MROH1: variants seen among roughly 807,000 people sequenced by gnomAD.
MROH1 encodes maestro heat-like repeat-containing protein family member 1.
In MROH1, 117 loss-of-function variants were observed where a neutral mutation model predicts 116.5. The ratio of observed to expected loss-of-function variants is 1.00; its 90% confidence interval spans 0.86 to 1.17. The LOEUF (loss-of-function observed/expected upper bound fraction) is 1.17, where lower values mean the gene tolerates loss of function less well. Among genes scored for constraint, MROH1 ranks in the 50% most tolerant of loss-of-function variants. The pLI is 0.00. For synonymous variants in MROH1, 921 were observed against 583.9 expected (o/e 1.58, Z -8.32); for missense variants, 1,873 against 1,338.5 (o/e 1.40, Z -6.23).
At chr8:144,178,500 A>G (rs1026403065) in intron 4 of MROH1, among the ~76,000 whole-genome samples, 4 of 151,800 alleles carry the variant, frequency 2.6e-5, no homozygotes, top group Admixed American at 6.6e-5. Flanking sequence ...AACCCCTGAC[A>G]TCAGGTGATC....
chr8:144,163,065 A>G lies in MROH1; in HGVS notation c.-56-706A>G, dbSNP rs1300125626. On this transcript the variant is annotated intron_variant, in intron 2 of 43. Coordinates refer to ENST00000326134, the MANE Select transcript of MROH1 (RefSeq NM_032450.3). This position sits in a 1 kb window ranked among gnomAD's most constrained non-coding sequence, Gnocchi z 4.4. ...TACTTCGCCTCCAACCCATGTGTGCACAGCGCAGGGAGGTGTCCTGGCTGG... is the reference window on the plus strand; with the variant it reads ...TACTTCGCCTCCAACCCATGTGTGCGCAGCGCAGGGAGGTGTCCTGGCTGG... Among the ~76,000 whole-genome samples, 1 of 152,202 alleles carries G rather than the reference A, an allele frequency of 6.6e-6. No homozygotes were observed. Among genetic ancestry groups the G allele is most frequent in the Non-Finnish European group, 1.5e-5 (1 of 68,040 alleles).
intron 11 of MROH1, among the ~76,000 whole-genome samples, chr8:144,199,746 A>G (rs1564457333): frequency 6.7e-6 from 1 of 150,146 alleles, no homozygotes; most frequent in Non-Finnish European, 1.5e-5. Flanking sequence ...GGGCCACAGC[A>G]TCAACATCTC....
At chr8:144,233,299 T>C (rs1290760115) in intron 14 of MROH1, among the ~76,000 whole-genome samples, 2 of 148,574 alleles carry the variant, frequency 1.3e-5, no homozygotes, top group African/African-American at 2.5e-5. Context: ...ACAGAAACTC[T>C]GTCCTCATTA....
chr8:144,176,568 A>G (rs1564399418), intron 4 of MROH1, among the ~76,000 whole-genome samples: 1 of 149,992 alleles, frequency 6.7e-6, no homozygotes, highest in Non-Finnish European at 1.5e-5. Flanking sequence ...TTGGCCCGGT[A>G]TGATGGCTCA....
At chr8:144,214,674 A>G (rs1049044224) in intron 12 of MROH1, among the ~76,000 whole-genome samples, 34 of 152,156 alleles carry the variant, frequency 2.2e-4, no homozygotes, top group African/African-American at 7.9e-4. Context: ...CACCCCAGCC[A>G]TTGTTCGTTC....
intron 7 of MROH1, among the ~76,000 whole-genome samples, chr8:144,186,701 G>C (rs1827277118): frequency 1.3e-5 from 2 of 152,228 alleles, no homozygotes; most frequent in Admixed American, 1.3e-4. Context: ...GTCACCCCAG[G>C]AGTGAGAGGC....
At chr8:144,213,129 C>T (rs371234349) in intron 12 of MROH1, 54 of 769,262 alleles carry the variant, frequency 7.0e-5, no homozygotes, top group East Asian at 3.9e-4. Context: ...TGAGTCACCA[C>T]GGCTGTTACA....
chr8:144,179,561 C>T lies in MROH1; in HGVS notation c.275C>T (p.Ala92Val), dbSNP rs1387365983. The T allele has an allele frequency of 1.2e-6, 2 of 1,611,862 alleles. No individual in the cohort carries two copies. Among genetic ancestry groups the T allele is most frequent in the East Asian group, 2.2e-5 (1 of 44,830 alleles). The change falls in exon 5 of 44, where the codon GCC becomes GTC. Residue 92 changes from alanine (A) to valine (V), a missense_variant. Coordinates refer to ENST00000326134, the MANE Select transcript of MROH1 (RefSeq NM_032450.3). ...KDTASTIILL[A>V]SSEMTKTKDL... ...ACAGCCAGCACCATCATCCTCCTGG[C>T]CTCCAGCGAGATGACCAAGACGAAG...
rs553956546 is a variant in MROH1, at chr8:144,177,428, A to G, written c.169-2027A>G. ...AACCAAGACTTTCACGAAGCTCCCA[A>G]TCCTTCCTACTATTGTTTCTCCTCC... On this transcript the variant is annotated intron_variant, in intron 4 of 43. Coordinates refer to ENST00000326134, the MANE Select transcript of MROH1 (RefSeq NM_032450.3). 2.0e-5 allele frequency among the ~76,000 whole-genome samples: 3 copies of G among 152,284 alleles called. No homozygotes were observed. The East Asian group carries it at 5.8e-4, about 29-fold the overall frequency.
At chr8:144,168,203 C>G (rs977236899) in intron 3 of MROH1, 92 bp from the exon 4 acceptor site, 3 of 1,384,834 alleles carry the variant, frequency 2.2e-6, no homozygotes, top group Non-Finnish European at 1.9e-6. Context: ...TCCTCAGAGG[C>G]TGCAGGTGTG....
At chr8:144,156,967 T>C (rs2130710371) in intron 1 of MROH1, among the ~76,000 whole-genome samples, 1 of 151,356 alleles carries the variant, frequency 6.6e-6, no homozygotes, top group East Asian at 2.0e-4. Flanking sequence ...ATTAGTATTA[T>C]TATTTTTAGA....
At position 144,149,301 on chromosome 8, in the gene MROH1, G is replaced by A. The variant is rs925018961; in HGVS notation, c.-177+1225G>A. 2.3e-3 allele frequency among the ~76,000 whole-genome samples: 357 copies of A among 152,224 alleles called. 13 individuals carry two copies. The South Asian group carries it at 0.066, about 28-fold the overall frequency. On this transcript the variant is annotated intron_variant, in intron 1 of 43. Coordinates refer to ENST00000326134, the MANE Select transcript of MROH1 (RefSeq NM_032450.3). ...GGGTCCCCGTGAACAGGTGTCTCTG[G>A]TCTCTCTTTGATGTCAGAGTGGAAT...
intron 33 of MROH1, among the ~76,000 whole-genome samples, chr8:144,253,366 G>A (rs968815389): frequency 2.0e-5 from 3 of 152,206 alleles, no homozygotes; most frequent in Non-Finnish European, 4.4e-5. Context: ...GGCTGCTCTC[G>A]CACTACAGCG....
intron 5 of MROH1, among the ~76,000 whole-genome samples, chr8:144,179,929 CA>C: frequency 6.8e-6 from 1 of 146,706 alleles, no homozygotes; most frequent in South Asian, 2.2e-4. Flanking sequence ...CCCCTCTCAC[CA>C]GGGCTCTGCT....
intron 12 of MROH1, chr8:144,213,143 C>T (rs1352584943): frequency 7.9e-6 from 6 of 759,452 alleles, no homozygotes; most frequent in African/African-American, 3.4e-5. Flanking sequence ...TGTTACATCC[C>T]GTGCTCTCCC....
At chr8:144,227,878 A>G (rs1370665022) in intron 14 of MROH1, among the ~76,000 whole-genome samples, 1 of 151,828 alleles carries the variant, frequency 6.6e-6, no homozygotes, top group African/African-American at 2.4e-5. Flanking sequence ...ATTTGAGCCC[A>G]GGGAGTCGAG....
intron 12 of MROH1, among the ~76,000 whole-genome samples, chr8:144,210,222 T>G (rs993417959): frequency 3.3e-5 from 5 of 151,990 alleles, no homozygotes; most frequent in African/African-American, 4.8e-5. Flanking sequence ...GCGGATCACT[T>G]GAGGTCAGGA....
At chr8:144,179,621 G>A (rs1241783078) in intron 5 of MROH1, 35 bp downstream of exon 5, 1 of 1,573,560 alleles carries the variant, frequency 6.4e-7, no homozygotes, top group East Asian at 2.4e-5. Flanking sequence ...GCAGACTCAG[G>A]CCTAGCTTGG....
In MROH1 at chr8:144,261,482, C is replaced by T. The variant is rs1288337863; in HGVS notation, c.4840+133C>T. 39 of 693,772 alleles carry T rather than the reference C, an allele frequency of 5.6e-5. 2 individuals carry two copies. Among genetic ancestry groups the T allele is most frequent in the South Asian group, 3.4e-4 (23 of 66,792 alleles). 43.0% of individuals were successfully genotyped at this position (693,772 alleles called of 1,614,324 possible). A position where few individuals can be genotyped will look rare whatever the true frequency, so the allele number is the denominator to read the frequency against. On this transcript the variant is annotated intron_variant, in intron 43 of 43. Coordinates refer to ENST00000326134, the MANE Select transcript of MROH1 (RefSeq NM_032450.3). The stretch of plus-strand genomic sequence containing the variant: ...TGACCTCATCGTCTCTAGTAATTCA[C>T]GGAAACTTCTTAACTGTTCCAAAAG...
Sources: allele counts gnomAD v4.1 joint callset (sites outside exome capture counted in the v4.1 genomes callset), GRCh38; gene constraint gnomAD v4.1.1; non-coding constraint Gnocchi (gnomAD v3.1); transcripts MANE v1.5; gene names NCBI Gene and HGNC (gene_info 2026-07-23, HGNC 2026-07-21).